Variants in AASS observed in about 807,000 individuals in gnomAD.
AASS encodes alpha-aminoadipic semialdehyde synthase, mitochondrial.
In AASS, 86 loss-of-function variants were observed where a neutral mutation model predicts 105.4. That is an observed-to-expected ratio of 0.82 (90% CI 0.69 to 0.98). The LOEUF is 0.98. Ranked by LOEUF, AASS falls within the 50% of genes least tolerant of loss-of-function variation. The probability of loss-of-function intolerance (pLI) is 0.00; values close to 1 mark genes in which losing one functional copy is unlikely to be tolerated. For synonymous variants in AASS, 381 were observed against 394.8 expected (o/e 0.96, Z 0.41); for missense variants, 1,048 against 1,143.2 (o/e 0.92, Z 1.20).
At chr7:122,080,066 G>A (rs1395785867) in intron 20 of AASS, among the ~76,000 whole-genome samples, 1 of 152,068 alleles carries the variant, frequency 6.6e-6, no homozygotes, top group East Asian at 1.9e-4. Context: ...AGTCCATTTT[G>A]ACCAGGATAA....
intron 13 of AASS, among the ~76,000 whole-genome samples, chr7:122,100,893 C>T (rs148321035): frequency 1.5e-3 from 231 of 151,930 alleles, no homozygotes; most frequent in Non-Finnish European, 2.5e-3. Flanking sequence ...CTCTTACTTT[C>T]ATCAATTGTT....
intron 3 of AASS, among the ~76,000 whole-genome samples, chr7:122,129,079 A>G (rs1795792135): frequency 6.6e-6 from 1 of 151,956 alleles, no homozygotes; most frequent in South Asian, 2.1e-4. Context: ...CTCCATCTCA[A>G]AAAAAAATCC....
chr7:122,078,216 G>A (rs919621438), intron 22 of AASS, among the ~76,000 whole-genome samples: 2 of 151,942 alleles, frequency 1.3e-5, no homozygotes, highest in African/African-American at 2.4e-5. Flanking sequence ...TCCTTTATCC[G>A]GATTCATGTC....
chr7:122,140,605 G>A (rs1796350402), intron 1 of AASS, among the ~76,000 whole-genome samples: 1 of 150,052 alleles, frequency 6.7e-6, no homozygotes, highest in Non-Finnish European at 1.5e-5. Context: ...AAGGCCAAAT[G>A]TTCCAACTTT....
At chr7:122,093,812 T>C (rs2150517684) in intron 15 of AASS, among the ~76,000 whole-genome samples, 1 of 151,606 alleles carries the variant, frequency 6.6e-6, no homozygotes, top group South Asian at 2.1e-4. Context: ...CCTGTCTCAA[T>C]AAAACAAAAC....
chr7:122,087,938 T>C (rs1172109351), intron 18 of AASS, among the ~76,000 whole-genome samples: 2 of 152,260 alleles, frequency 1.3e-5, no homozygotes, highest in Non-Finnish European at 2.9e-5. Context: ...CAATGATTCA[T>C]TTAGTGAGAA....
chr7:122,100,622 A>G (rs1016725891), intron 13 of AASS, among the ~76,000 whole-genome samples: 1 of 151,848 alleles, frequency 6.6e-6, no homozygotes, highest in African/African-American at 2.4e-5. Flanking sequence ...GTTTCTCCTG[A>G]TACTTCAGTA....
chr7:122,116,796 C>T (rs1795201650), intron 7 of AASS, 36 bp from the exon 8 acceptor site: 1 of 1,613,268 alleles, frequency 6.2e-7, no homozygotes, highest in Admixed American at 1.7e-5. Context: ...AAGTGGGTGA[C>T]AAATAATAAA....
intron 18 of AASS, among the ~76,000 whole-genome samples, chr7:122,086,608 T>C (rs890425433): frequency 5.9e-5 from 9 of 151,690 alleles, no homozygotes; most frequent in Admixed American, 5.9e-4. Context: ...TTATTTTATA[T>C]AAAAATGTTT....
chr7:122,139,770 T>C (rs184612967), intron 1 of AASS, among the ~76,000 whole-genome samples: 1 of 152,134 alleles, frequency 6.6e-6, no homozygotes, highest in Non-Finnish European at 1.5e-5. Flanking sequence ...CTAGGCAACA[T>C]GCAAAACCCC....
chr7:122,124,619 G>C (rs755533707), intron 4 of AASS, among the ~76,000 whole-genome samples: 2 of 152,246 alleles, frequency 1.3e-5, no homozygotes, highest in Middle Eastern at 3.4e-3. Context: ...CACTAGCATT[G>C]TATTTGTGTT....
intron 11 of AASS, among the ~76,000 whole-genome samples, chr7:122,104,772 C>G (rs1274877362): frequency 6.6e-6 from 1 of 152,002 alleles, no homozygotes; most frequent in Non-Finnish European, 1.5e-5. Flanking sequence ...CCAGGGTATA[C>G]TTGAGGGTGG....
At chr7:122,096,585 G>A (rs2150520223) in intron 15 of AASS, among the ~76,000 whole-genome samples, 1 of 151,852 alleles carries the variant, frequency 6.6e-6, no homozygotes, top group East Asian at 1.9e-4. Flanking sequence ...CCAAGATTGT[G>A]CCACTGCATT....
At chr7:122,119,918 G>T (rs1795362787) in intron 4 of AASS, among the ~76,000 whole-genome samples, 1 of 152,150 alleles carries the variant, frequency 6.6e-6, no homozygotes. Context: ...TGTGACACCT[G>T]CCTGTATGAA....
chr7:122,118,129 A>G (rs923489854), intron 6 of AASS, among the ~76,000 whole-genome samples, 178 bp downstream of exon 6: 4 of 152,178 alleles, frequency 2.6e-5, no homozygotes, highest in African/African-American at 9.7e-5. Flanking sequence ...ACATACACAC[A>G]TACACACATA....
intron 4 of AASS, among the ~76,000 whole-genome samples, chr7:122,119,185 C>T (rs1795327124): frequency 6.6e-6 from 1 of 152,164 alleles, no homozygotes; most frequent in Admixed American, 6.5e-5. Flanking sequence ...GAGTGCCCCT[C>T]AGCATCCCAA....
In AASS at chr7:122,091,789, T is replaced by G; in HGVS notation, c.1930A>C (p.Asn644His). 1.2e-6 allele frequency: 2 copies of G among 1,613,552 alleles called. No individual in the cohort carries two copies. The highest frequency in any genetic ancestry group is 1.7e-6 in the Non-Finnish European group (2 of 1,179,688). ...CAGCTAAATTTATATCTCAATGGAT[T>G]GTTTGAATGTTCAGGGGCTGGAAGC... ...GGLPAPEHSNNPLRYKFSWSP... is the reference protein window; with the variant it reads ...GGLPAPEHSNHPLRYKFSWSP... Residue 644 changes from asparagine to histidine, a missense_variant, in exon 18 of 24, where the codon AAT becomes CAT. Asn to His is a moderately conservative substitution (Grantham distance 68). Coordinates refer to ENST00000417368, the MANE Select transcript of AASS (RefSeq NM_005763.4).
rs148964986 is a variant in AASS at position 122,115,209 on chromosome 7, G to A, written c.908C>T (p.Thr303Ile). 5 of 1,613,960 alleles carry A rather than the reference G, an allele frequency of 3.1e-6. No individual in the cohort carries two copies. In the African/African-American group the frequency reaches 6.7e-5, roughly 22 times the overall value. The stretch of plus-strand genomic sequence containing the variant: ...GTAGATTCCATTAATTAAGCAAGTT[G>A]TATAGGGTGCAATCTGTAATGCAAG... ...SRFNTDIAPY[T>I]TCLINGIYWE... is the part of the protein sequence containing the mutation. Residue 303 changes from threonine (T) to isoleucine (I), a missense_variant, in exon 9 of 24, where the codon ACA becomes ATA. Coordinates refer to ENST00000417368, the MANE Select transcript of AASS (RefSeq NM_005763.4).
chr7:122,086,268 G>T, intron 18 of AASS, 89 bp from the exon 19 acceptor site: 3 of 1,247,560 alleles, frequency 2.4e-6, no homozygotes, highest in Non-Finnish European at 2.2e-6. Context: ...GAAAGCAACA[G>T]AAATTTGAAA....
Sources: gnomAD v4.1 joint callset for allele counts (sites outside exome capture counted in the v4.1 genomes callset) on GRCh38, gnomAD v4.1.1 for gene constraint, MANE v1.5 for transcripts, NCBI Gene and HGNC (gene_info 2026-07-23, HGNC 2026-07-21) for gene names.